Variants in DENND4A observed in about 807,000 individuals in gnomAD.
DENND4A encodes C-myc promoter-binding protein.
Under a neutral mutation model 199.3 loss-of-function variants are expected in DENND4A, and 70 were observed. That is an observed-to-expected ratio of 0.35 (90% CI 0.29 to 0.43). The LOEUF is 0.43. DENND4A is among the 20% of genes least tolerant of loss of function. DENND4A has a pLI of 1.00. For synonymous variants in DENND4A, 686 were observed against 766.9 expected (o/e 0.89, Z 1.74); for missense variants, 1,723 against 2,255.8 (o/e 0.76, Z 4.78).
At chr15:65,765,638 T>C (rs781026532) in intron 1 of DENND4A, among the ~76,000 whole-genome samples, 3 of 152,242 alleles carry the variant, frequency 2.0e-5, no homozygotes, top group African/African-American at 4.8e-5. Context: ...TATGCAGTTT[T>C]ATCACATGTG....
intron 23 of DENND4A, among the ~76,000 whole-genome samples, chr15:65,684,818 ATTTTTTTTTTT>A (rs541989496): frequency 9.5e-6 from 1 of 104,982 alleles, no homozygotes; most frequent in Non-Finnish European, 1.9e-5. Context: ...TTTTCTTCCA[ATTTTTTTTTTT>A]TTTTTTTTTT....
chr15:65,732,881 A>G, intron 7 of DENND4A, 63 bp from the exon 8 acceptor site: 1 of 974,376 alleles, frequency 1.0e-6, no homozygotes, highest in Non-Finnish European at 1.6e-6. Context: ...AAAGCTCAAC[A>G]TGTCATCACA....
intron 22 of DENND4A, among the ~76,000 whole-genome samples, chr15:65,692,717 A>G (rs1784402087): frequency 6.6e-6 from 1 of 152,166 alleles, no homozygotes; most frequent in Non-Finnish European, 1.5e-5. Flanking sequence ...TCAAGAACAC[A>G]CTTTCTTCTG....
chr15:65,698,524 AT>A (rs1006811348), intron 20 of DENND4A, among the ~76,000 whole-genome samples: 29 of 152,234 alleles, frequency 1.9e-4, no homozygotes, highest in Middle Eastern at 3.4e-3. Flanking sequence ...AAAAATGTTT[AT>A]AAACTTGTAA....
At chr15:65,752,309 A>C (rs1464844634) in intron 4 of DENND4A, 70 bp downstream of exon 4, 16 of 599,740 alleles carry the variant, frequency 2.7e-5, no homozygotes, top group Middle Eastern at 7.1e-4. Context: ...AAAAAAAAAA[A>C]AAAAGATGTA....
rs764669722 is a variant in DENND4A, at chr15:65,690,401, C to G, written c.4179+14G>C. The G allele has an allele frequency of 2.6e-6, 4 of 1,541,902 alleles. No homozygotes were observed. In the Admixed American group the frequency reaches 6.0e-5, roughly 23 times the overall value. Reference sequence around the variant, plus strand: ...TGTGTGACAGTAAAAGTAGCAAATACTAACCAAACTTACCTTAGATGATGT... The same window carrying G: ...TGTGTGACAGTAAAAGTAGCAAATAGTAACCAAACTTACCTTAGATGATGT... On this transcript the variant is annotated intron_variant, in intron 23 of 32. Transcript: ENST00000443035.
chr15:65,720,309 T>C (rs2075572545), intron 12 of DENND4A, among the ~76,000 whole-genome samples: 1 of 152,112 alleles, frequency 6.6e-6, no homozygotes, highest in Non-Finnish European at 1.5e-5. Flanking sequence ...TTTTAAAATA[T>C]AAGGAACAAT....
chr15:65,685,913 G>A (rs1238070658), intron 23 of DENND4A, among the ~76,000 whole-genome samples: 2 of 152,014 alleles, frequency 1.3e-5, no homozygotes, highest in African/African-American at 4.8e-5. Flanking sequence ...TAGCAGCACA[G>A]TCTTGATAGC....
chr15:65,776,563 A>T (rs1280274070), intron 1 of DENND4A, among the ~76,000 whole-genome samples: 1 of 152,162 alleles, frequency 6.6e-6, no homozygotes, highest in Non-Finnish European at 1.5e-5. Context: ...CTATTTACCT[A>T]CACACCTATC....
intron 1 of DENND4A, among the ~76,000 whole-genome samples, chr15:65,787,106 A>T (rs1330531653): frequency 6.6e-6 from 1 of 152,178 alleles, no homozygotes; most frequent in African/African-American, 2.4e-5. Flanking sequence ...GTGGGTGTAT[A>T]CATTTTTGCT....
At chr15:65,747,411 A>G (rs2076431209) in intron 4 of DENND4A, among the ~76,000 whole-genome samples, 4 of 152,200 alleles carry the variant, frequency 2.6e-5, no homozygotes, top group Admixed American at 2.6e-4. Context: ...ACTAGATGCT[A>G]TTATCATCCT....
At chr15:65,769,761 T>G (rs2077082962) in intron 1 of DENND4A, among the ~76,000 whole-genome samples, 1 of 152,102 alleles carries the variant, frequency 6.6e-6, no homozygotes, top group Admixed American at 6.6e-5. Context: ...AGAAAAAAAT[T>G]TAAAGAACAA....
At chr15:65,725,324 T>A (rs1232016935) in intron 11 of DENND4A, among the ~76,000 whole-genome samples, 1 of 152,190 alleles carries the variant, frequency 6.6e-6, no homozygotes, top group Non-Finnish European at 1.5e-5. Context: ...ATAAGCTATA[T>A]GCCCTTTGAT....
At chr15:65,771,032 A>C in intron 1 of DENND4A, 1 of 755,234 alleles carries the variant, frequency 1.3e-6, no homozygotes, top group Non-Finnish European at 2.0e-6. Context: ...AGTAGGTCAT[A>C]AACAGTCCAA....
intron 2 of DENND4A, among the ~76,000 whole-genome samples, chr15:65,758,633 G>A (rs1567084660): frequency 6.6e-6 from 1 of 152,094 alleles, no homozygotes; most frequent in Non-Finnish European, 1.5e-5. Context: ...TTAACTAGGA[G>A]AATACATTCC....
At position 65,731,671 on chromosome 15, in the gene DENND4A, A is replaced by G. The variant is rs750206313; in HGVS notation, c.1137T>C (p.Ser379=). The G allele has an allele frequency of 6.4e-7, 1 of 1,560,520 alleles. No individual in the cohort carries two copies. Among genetic ancestry groups the G allele is most frequent in the East Asian group, 2.4e-5 (1 of 42,122 alleles). ...GTGGAAGAGGTGAAGACACAGGCTG[A>G]CTGAGAATCAGATTATCATGTGGTG... The part of the protein sequence containing the change: ...QLSPHDNLIL[S]QPVSSPLPLS... The change falls in exon 9 of 33, where the codon AGT becomes AGC. Residue 379 remains serine, a synonymous_variant. Transcript: ENST00000443035.
At chr15:65,698,979 C>G (rs1303960318) in intron 20 of DENND4A, among the ~76,000 whole-genome samples, 6 of 152,054 alleles carry the variant, frequency 3.9e-5, no homozygotes, top group Non-Finnish European at 8.8e-5. Flanking sequence ...CTCAAGTGAC[C>G]TGCCTGCCTT....
intron 23 of DENND4A, among the ~76,000 whole-genome samples, chr15:65,682,598 T>C (rs7181632): frequency 0.21 from 31,820 of 152,182 alleles, 3,758 homozygotes; most frequent in African/African-American, 0.31. Context: ...TTATCACTCA[T>C]GTCACTTTTA....
rs775769252 is a variant in DENND4A at position 65,669,999 on chromosome 15, A to G, written c.4640+14T>C. 1.9e-6 allele frequency: 3 copies of G among 1,592,364 alleles called. No individual in the cohort carries two copies. The highest frequency in any genetic ancestry group is 1.8e-5 in the Admixed American group (1 of 56,992). On this transcript the variant is annotated intron_variant, in intron 26 of 32. Transcript: ENST00000443035. ...AACATGATCCTTAAACATGAAGGAA[A>G]AAAATATCATTACCTTCCAGGTCGT... is the stretch of plus-strand genomic sequence containing the variant.
Sources: allele counts gnomAD v4.1 joint callset (sites outside exome capture counted in the v4.1 genomes callset), GRCh38; gene constraint gnomAD v4.1.1; transcripts MANE v1.5; gene names NCBI Gene and HGNC (gene_info 2026-07-23, HGNC 2026-07-21).